Variants in ZNF292 observed in about 807,000 individuals in gnomAD.
ZNF292 encodes the protein zinc finger protein 292.
ZNF292 carries 26 observed loss-of-function variants against 217.9 expected under a neutral mutation model. That is an observed-to-expected ratio of 0.12 (90% CI 0.09 to 0.17). The LOEUF (loss-of-function observed/expected upper bound fraction) is 0.17. Among genes scored for constraint, ZNF292 ranks in the 10% least tolerant of loss-of-function variants. The probability of loss-of-function intolerance (pLI) is 1.00; values close to 1 mark genes in which losing one functional copy is unlikely to be tolerated. For synonymous variants in ZNF292, 1,257 were observed against 1,124.1 expected, an observed-to-expected ratio of 1.12 and a Z score of -2.37; for missense variants, 2,904 against 3,175.2, an observed-to-expected ratio of 0.91 and a Z score of 2.05.
chr6:87,198,738 A>G (rs1344436451), intron 1 of ZNF292, among the ~76,000 whole-genome samples: 1 of 152,236 alleles, frequency 6.6e-6, no homozygotes. Context: ...TATGGTGCAT[A>G]TATTGTATTA....
rs750584722 is a variant in ZNF292, at chr6:87,258,583, T to G, written c.4954T>G (p.Leu1652Val). The G allele has an allele frequency of 1.2e-6, 2 of 1,613,708 alleles. No individual in the cohort carries two copies. Among genetic ancestry groups the G allele is most frequent in the Non-Finnish European group, 1.7e-6 (2 of 1,179,790 alleles). ...TTCCCAAAACTTGGTAACAAGTGAC[T>G]TAACAACAATGGGACTCATAGCAAA... Reference protein sequence around the residue: ...NASQNLVTSDLTTMGLIAKSV... With the variant: ...NASQNLVTSDVTTMGLIAKSV... The change falls in exon 8 of 8, where the codon TTA becomes GTA. Residue 1652 changes from leucine (L) to valine (V), a missense_variant. Coordinates refer to ENST00000369577, the MANE Select transcript of ZNF292 (RefSeq NM_015021.3).
At chr6:87,175,635 G>A (rs1771263135) in intron 1 of ZNF292, among the ~76,000 whole-genome samples, 1 of 152,182 alleles carries the variant, frequency 6.6e-6, no homozygotes, top group South Asian at 2.1e-4. Flanking sequence ...CACCACCCTT[G>A]ACCAAGAAAA....
chr6:87,260,921 G>T lies in ZNF292; in HGVS notation c.7292G>T (p.Cys2431Phe). The T allele has an allele frequency of 6.2e-7, 1 of 1,610,950 alleles. No individual in the cohort carries two copies. Among genetic ancestry groups the T allele is most frequent in the African/African-American group, 1.3e-5 (1 of 74,992 alleles). ...RNLLIVFKRC[C>F]NSQVKETSEQ... ...CTTCTTATTGTATTCAAACGGTGTT[G>T]CAACTCACAAGTAAAGGAAACGTCT... The change falls in exon 8 of 8, where the codon TGC becomes TTC. Residue 2431 changes from cysteine (C) to phenylalanine (F), a missense_variant. By Grantham distance (205) the Cys-to-Phe change is radical. This residue lies in a region of ZNF292 where 380 missense variants were observed against 355.3 expected (regional missense o/e 1.07). Transcript: ENST00000369577.
chr6:87,244,064 A>G (rs905274535), intron 6 of ZNF292, among the ~76,000 whole-genome samples: 4 of 151,532 alleles, frequency 2.6e-5, no homozygotes, highest in Middle Eastern at 3.2e-3. Context: ...TAGCTTAGCT[A>G]ACACTGACAA....
rs940055486 is a variant in ZNF292 at position 87,190,566 on chromosome 6, C to T, written c.169-25337C>T. 4.6e-4 allele frequency among the ~76,000 whole-genome samples: 70 copies of T among 152,174 alleles called. 1 individual carries two copies. Among genetic ancestry groups the T allele is most frequent in the African/African-American group, 1.5e-3 (62 of 41,514 alleles). Reference sequence around the variant, plus strand: ...TTGGCTCACTGCAACCTCTGCCTCCCGGGTTCAAGTGATTCTCCTGCCTCA... The same window carrying T: ...TTGGCTCACTGCAACCTCTGCCTCCTGGGTTCAAGTGATTCTCCTGCCTCA... On this transcript the variant is annotated intron_variant, in intron 1 of 7. Transcript: ENST00000369577.
intron 5 of ZNF292, among the ~76,000 whole-genome samples, chr6:87,237,634 G>T (rs1773966608): frequency 6.6e-6 from 1 of 152,112 alleles, no homozygotes; most frequent in South Asian, 2.1e-4. Flanking sequence ...TATATTTTTT[G>T]AATAGTTGGC....
At chr6:87,194,284 C>T (rs1235337331) in intron 1 of ZNF292, among the ~76,000 whole-genome samples, 1 of 151,816 alleles carries the variant, frequency 6.6e-6, no homozygotes, top group East Asian at 1.9e-4. Flanking sequence ...TGAGTTCACT[C>T]TTAGACATAA....
At chr6:87,196,484 A>T (rs1346595299) in intron 1 of ZNF292, among the ~76,000 whole-genome samples, 1 of 152,224 alleles carries the variant, frequency 6.6e-6, no homozygotes, top group African/African-American at 2.4e-5. Flanking sequence ...GTTCATGCAT[A>T]TACTGAATAA....
chr6:87,213,214 T>G (rs117925634), intron 1 of ZNF292, among the ~76,000 whole-genome samples: 14 of 152,362 alleles, frequency 9.2e-5, no homozygotes, highest in Non-Finnish European at 1.8e-4. Flanking sequence ...GTTGACAGAC[T>G]TCCGTCTTCC....
At chr6:87,164,857 A>T (rs9294374) in intron 1 of ZNF292, among the ~76,000 whole-genome samples, 79,946 of 148,346 alleles carry the variant, frequency 0.54, 21,816 homozygotes, top group Admixed American at 0.63. Flanking sequence ...TCTGCCTCCC[A>T]GTTCAAGCGA....
chr6:87,175,514 T>C (rs1420438296), intron 1 of ZNF292, among the ~76,000 whole-genome samples: 1 of 152,132 alleles, frequency 6.6e-6, no homozygotes, highest in Non-Finnish European at 1.5e-5. Context: ...TTTTAAGAAT[T>C]TTTTTGTAGA....
rs1016011129 is a variant in ZNF292, at chr6:87,257,058, C to G, written c.3429C>G (p.Asn1143Lys). The G allele has an allele frequency of 6.2e-7, 1 of 1,613,730 alleles. No homozygotes were observed. The highest frequency in any genetic ancestry group is 1.3e-5 in the African/African-American group (1 of 74,916). Residue 1143 changes from asparagine (N) to lysine (K), a missense_variant, in exon 8 of 8, where the codon AAC (asparagine) becomes AAG (lysine). Around this residue, in one of 15 missense-constraint regions of ZNF292, gnomAD observed 687 missense variants for 623.0 expected, o/e 1.10. Coordinates refer to ENST00000369577, the MANE Select transcript of ZNF292 (RefSeq NM_015021.3). ...AAAGTAAAAAAGGTCAGAAAGCTAA[C>G]AACTTAAATACACCAAATAATGGAA... Reference protein sequence around the residue: ...QRKSKKGQKANNLNTPNNGKF... With the variant: ...QRKSKKGQKAKNLNTPNNGKF...
chr6:87,215,544 A>G (rs1229643509), intron 1 of ZNF292, among the ~76,000 whole-genome samples: 2 of 152,150 alleles, frequency 1.3e-5, no homozygotes, highest in Non-Finnish European at 2.9e-5. Context: ...GAAAACAGAT[A>G]TTATTTCAAA....
At position 87,255,167 on chromosome 6, in the gene ZNF292, ATG is replaced by A; in HGVS notation, c.1539_1540del (p.Asp513GlufsTer22). The A allele has an allele frequency of 6.2e-7, 1 of 1,613,814 alleles. No individual in the cohort carries two copies. The highest frequency in any genetic ancestry group is 8.5e-7 in the Non-Finnish European group (1 of 1,179,796). ...TCTGGCCTTCTTAAAGACATTGGTG[ATG>A]AAAAGCAGAAGAAGAGAGAGATAAA... On this transcript the variant is annotated frameshift_variant, in exon 8 of 8. Coordinates refer to ENST00000369577, the MANE Select transcript of ZNF292 (RefSeq NM_015021.3). LOFTEE classifies it high-confidence loss of function.
chr6:87,230,756 A>G (rs1773612384), intron 4 of ZNF292, among the ~76,000 whole-genome samples: 1 of 151,878 alleles, frequency 6.6e-6, no homozygotes, highest in Non-Finnish European at 1.5e-5. Flanking sequence ...AAAGAAAGTG[A>G]CATAGGAAGA....
chr6:87,167,139 G>A (rs60985818), intron 1 of ZNF292, among the ~76,000 whole-genome samples: 8,577 of 152,202 alleles, frequency 0.056, 330 homozygotes, highest in African/African-American at 0.1. Flanking sequence ...CCTTAAACTA[G>A]GAAGTGAACT....
At chr6:87,234,327 G>C (rs1203047200) in intron 5 of ZNF292, among the ~76,000 whole-genome samples, 1 of 152,172 alleles carries the variant, frequency 6.6e-6, no homozygotes, top group African/African-American at 2.4e-5. Context: ...GGGAGGCCGA[G>C]GCGGGCGGAT....
At chr6:87,164,633 A>G (rs1294955953) in intron 1 of ZNF292, among the ~76,000 whole-genome samples, 2 of 152,080 alleles carry the variant, frequency 1.3e-5, no homozygotes, top group African/African-American at 2.4e-5. Context: ...CATCTTCTCT[A>G]ACCACATCTG....
Position 87,254,890 on chromosome 6 carries a change from A to G in ZNF292, c.1261A>G (p.Asn421Asp). The G allele has an allele frequency of 6.2e-7, 1 of 1,613,828 alleles. No homozygotes were observed. Among genetic ancestry groups the G allele is most frequent in the Non-Finnish European group, 8.5e-7 (1 of 1,179,812 alleles). The change falls in exon 8 of 8, where the codon AAT (asparagine) becomes GAT (aspartate). Residue 421 changes from asparagine to aspartate, a missense_variant. Transcript: ENST00000369577. ...NQPDQKYDEENLPIPNSLRCE... is the reference protein window; with the variant it reads ...NQPDQKYDEEDLPIPNSLRCE... ...GCCAGACCAGAAATATGATGAAGAG[A>G]ATCTTCCAATACCAAATTCTTTACG...
Sources: gnomAD v4.1 joint callset for allele counts (sites outside exome capture counted in the v4.1 genomes callset) on GRCh38, gnomAD v4.1.1 for gene constraint, gnomAD v4.1.1 regional missense constraint, MANE v1.5 for transcripts, NCBI Gene and HGNC (gene_info 2026-07-23, HGNC 2026-07-21) for gene names.